Variants in CDYL observed in about 807,000 individuals in gnomAD.
CDYL encodes chromodomain Y-like protein.
In CDYL, 8 loss-of-function variants were observed where a neutral mutation model predicts 47.3. That is an observed-to-expected ratio of 0.17 (90% confidence interval 0.10 to 0.31). The LOEUF (loss-of-function observed/expected upper bound fraction) is 0.31, where lower values mean the gene tolerates loss of function less well. Ranked by LOEUF, CDYL falls within the 10% of genes least tolerant of loss-of-function variation. The probability of loss-of-function intolerance (pLI) is 1.00; values close to 1 mark genes in which losing one functional copy is unlikely to be tolerated. For synonymous variants in CDYL, 266 were observed against 265.0 expected (o/e 1.00, Z -0.04); for missense variants, 471 against 701.4 (o/e 0.67, Z 3.71).
chr6:4,751,009 C>T (rs1053672887), intron 3 of CDYL, among the ~76,000 whole-genome samples: 4 of 151,910 alleles, frequency 2.6e-5, no homozygotes, highest in Admixed American at 6.6e-5. Context: ...CCCGCCACCA[C>T]GCCCGGCTAA....
At chr6:4,903,543 T>A (rs1010011358) in intron 2 of CDYL, among the ~76,000 whole-genome samples, 3 of 152,152 alleles carry the variant, frequency 2.0e-5, no homozygotes, top group Non-Finnish European at 4.4e-5. Context: ...ACAAGTGAAA[T>A]AATAAAAGAA....
At chr6:4,798,212 A>G (rs773297724) in intron 1 of CDYL, among the ~76,000 whole-genome samples, 14 of 152,228 alleles carry the variant, frequency 9.2e-5, no homozygotes, top group East Asian at 5.8e-4. Context: ...GGCTCCAGCA[A>G]TCTGCCCACC....
intron 1 of CDYL, among the ~76,000 whole-genome samples, chr6:4,881,359 T>A (rs1761758419): frequency 6.6e-6 from 1 of 152,202 alleles, no homozygotes; most frequent in African/African-American, 2.4e-5. Context: ...TTTGCCTTTT[T>A]TTTAGTGATC....
chr6:4,753,107 T>C (rs1015680412), intron 3 of CDYL, among the ~76,000 whole-genome samples: 4 of 152,124 alleles, frequency 2.6e-5, no homozygotes, highest in Non-Finnish European at 5.9e-5. Context: ...AGACGGGGTT[T>C]TGCCATGTAG....
rs1758520849 is a variant in CDYL, at chr6:4,778,184, G to C, written c.24+1377G>C. Among the ~76,000 whole-genome samples the C allele has an allele frequency of 2.0e-5, 3 of 152,160 alleles. No individual in the cohort carries two copies. The South Asian group carries it at 6.2e-4, about 32-fold the overall frequency. On this transcript the variant is annotated intron_variant, in intron 1 of 6. Transcript: ENST00000397588. Reference sequence around the variant, plus strand: ...GGTTGAGGTCTTCCAGGTGAAGTCTGTACAGGGGGAAGTACATAGCATGAG... The same window carrying C: ...GGTTGAGGTCTTCCAGGTGAAGTCTCTACAGGGGGAAGTACATAGCATGAG...
At chr6:4,715,644 T>C in intron 1 of CDYL, 1 of 1,205,622 alleles carries the variant, frequency 8.3e-7, no homozygotes. Flanking sequence ...CACTCTCAGA[T>C]TCAATGTAGA....
At chr6:4,805,378 A>G (rs1382627381) in intron 1 of CDYL, among the ~76,000 whole-genome samples, 3 of 152,252 alleles carry the variant, frequency 2.0e-5, no homozygotes, top group African/African-American at 7.2e-5. Flanking sequence ...AGGTACCATC[A>G]GGGCTCAGAG....
At chr6:4,940,780 A>ATTGG (rs1758340609) in intron 4 of CDYL, among the ~76,000 whole-genome samples, 1 of 152,258 alleles carries the variant, frequency 6.6e-6, no homozygotes, top group Non-Finnish European at 1.5e-5. Context: ...GCCCTGCCCA[A>ATTGG]GCAGTGCCCC....
intron 1 of CDYL, among the ~76,000 whole-genome samples, chr6:4,835,315 T>C (rs111253729): frequency 0.019 from 2,837 of 152,320 alleles, 103 homozygotes; most frequent in African/African-American, 0.065. Flanking sequence ...TGCAGGTCTG[T>C]TGGAGTTTGC....
Position 4,792,433 on chromosome 6 carries a change from A to T in CDYL, c.24+15626A>T, listed in dbSNP as rs866116499. 4.5e-3 allele frequency among the ~76,000 whole-genome samples: 615 copies of T among 137,868 alleles called. 2 individuals are homozygous for T. Among genetic ancestry groups the T allele is most frequent in the African/African-American group, 0.013 (464 of 35,718 alleles). 90.4% of individuals were successfully genotyped at this position (137,868 alleles called of 152,430 possible). On this transcript the variant is annotated intron_variant, in intron 1 of 6. Transcript: ENST00000397588. ...TAGTCAAATTTTTATTTAAAAAAAA[A>T]TTTTTTTTTTTTTTTTGAGACAGAG... is the stretch of plus-strand genomic sequence containing the variant.
intron 1 of CDYL, among the ~76,000 whole-genome samples, chr6:4,781,522 A>G (rs1053835614): frequency 2.0e-5 from 3 of 152,218 alleles, no homozygotes; most frequent in Non-Finnish European, 4.4e-5. Context: ...ATAATAGCCT[A>G]TCTTAAATGC....
At chr6:4,807,399 T>G (rs1759400295) in intron 1 of CDYL, among the ~76,000 whole-genome samples, 1 of 152,154 alleles carries the variant, frequency 6.6e-6, no homozygotes, top group Admixed American at 6.5e-5. Context: ...GGACGATAAC[T>G]TTGAGACTGT....
At chr6:4,716,205 C>T (rs979369704) in intron 2 of CDYL, among the ~76,000 whole-genome samples, 7 of 150,528 alleles carry the variant, frequency 4.7e-5, no homozygotes, top group South Asian at 2.1e-4. Context: ...CCCGAGATCG[C>T]GCCACTGTAC....
chr6:4,817,279 G>C (rs917192586), intron 1 of CDYL, among the ~76,000 whole-genome samples: 3 of 151,592 alleles, frequency 2.0e-5, no homozygotes, highest in Non-Finnish European at 4.4e-5. Context: ...TTTCCCTCAG[G>C]CCTTTAATTA....
At chr6:4,724,460 C>G (rs1234602369) in intron 2 of CDYL, 2 of 152,604 alleles carry the variant, frequency 1.3e-5, no homozygotes, top group East Asian at 1.9e-4. Flanking sequence ...TACCCTGAAG[C>G]AACCTGCTCG....
chr6:4,833,329 T>C (rs1352915990), intron 1 of CDYL, among the ~76,000 whole-genome samples: 7 of 150,854 alleles, frequency 4.6e-5, no homozygotes, highest in African/African-American at 1.7e-4. Flanking sequence ...TTTCGTTATG[T>C]CCCCAGTAGT....
At chr6:4,799,228 A>G (rs993256553) in intron 1 of CDYL, among the ~76,000 whole-genome samples, 4 of 152,068 alleles carry the variant, frequency 2.6e-5, no homozygotes, top group South Asian at 2.1e-4. Context: ...TAAATGTTTT[A>G]TTGTTGATTT....
At chr6:4,863,794 A>G (rs1350276864) in intron 1 of CDYL, among the ~76,000 whole-genome samples, 1 of 152,252 alleles carries the variant, frequency 6.6e-6, no homozygotes, top group East Asian at 1.9e-4. Flanking sequence ...TAATGCCTGC[A>G]TTGGAATAAA....
At chr6:4,898,907 A>G (rs1762362612) in intron 2 of CDYL, among the ~76,000 whole-genome samples, 1 of 152,236 alleles carries the variant, frequency 6.6e-6, no homozygotes, top group Admixed American at 6.5e-5. Flanking sequence ...GGAAGAGCCA[A>G]GGACTTTTGA....
Sources: gnomAD v4.1 joint callset for allele counts (sites outside exome capture counted in the v4.1 genomes callset) on GRCh38, gnomAD v4.1.1 for gene constraint, MANE v1.5 for transcripts, NCBI Gene and HGNC (gene_info 2026-07-23, HGNC 2026-07-21) for gene names.